FCHO1: variants seen among roughly 807,000 people sequenced by gnomAD.
FCHO1 encodes the protein FCH and mu domain containing endocytic adaptor 1.
Under a neutral mutation model 114.4 loss-of-function variants are expected in FCHO1, and 45 were observed. The ratio of observed to expected loss-of-function variants is 0.39; its 90% CI spans 0.31 to 0.50. FCHO1 has a LOEUF of 0.50. Among genes scored for constraint, FCHO1 ranks in the 20% least tolerant of loss-of-function variants. FCHO1 has a pLI of 0.77. For missense variants in FCHO1, 1,042 were observed against 1,209.6 expected, an observed-to-expected ratio of 0.86 and a Z score of 2.06; for synonymous variants, 480 against 488.9, an observed-to-expected ratio of 0.98 and a Z score of 0.24.
intron 6 of FCHO1, among the ~76,000 whole-genome samples, chr19:17,765,694 C>T (rs989332829): frequency 1.3e-5 from 2 of 151,486 alleles, no homozygotes; most frequent in East Asian, 3.9e-4. Flanking sequence ...AAAATAAAAA[C>T]AAAACACATA....
chr19:17,783,246 T>G, intron 24 of FCHO1, 74 bp downstream of exon 24: 1 of 1,461,914 alleles, frequency 6.8e-7, no homozygotes. Flanking sequence ...GAGTTCCCTC[T>G]CTGCTTCCTG....
At chr19:17,766,859 G>A (rs765922249) in intron 7 of FCHO1, 49 bp downstream of exon 7, 1 of 1,586,846 alleles carries the variant, frequency 6.3e-7, no homozygotes, top group South Asian at 1.1e-5. Context: ...TGGAACACCG[G>A]CAGCTCACAG....
intron 7 of FCHO1, among the ~76,000 whole-genome samples, chr19:17,767,642 C>G (rs1264334844): frequency 6.7e-6 from 1 of 149,678 alleles, no homozygotes; most frequent in Non-Finnish European, 1.5e-5. Flanking sequence ...AGAAAAAAAT[C>G]TAAAGAAAAA....
chr19:17,777,543 A>G (rs2092798005), intron 18 of FCHO1, among the ~76,000 whole-genome samples: 1 of 149,970 alleles, frequency 6.7e-6, no homozygotes. Context: ...CTCAAAAAAA[A>G]AAAAAAAAAA....
intron 5 of FCHO1, among the ~76,000 whole-genome samples, chr19:17,763,814 C>T (rs569065014): frequency 2.6e-5 from 4 of 152,036 alleles, no homozygotes; most frequent in East Asian, 3.9e-4. Context: ...CCTCCTGCCT[C>T]GGCCTCCCAA....
At chr19:17,765,882 C>CTA (rs1018266184) in intron 6 of FCHO1, among the ~76,000 whole-genome samples, 1 of 60,144 alleles carries the variant, frequency 1.7e-5, no homozygotes, top group Non-Finnish European at 2.8e-5. Flanking sequence ...CTTAGTCACT[C>CTA]TTTTTTTTTT....
chr19:17,761,272 G>A (rs1244679468), intron 4 of FCHO1, among the ~76,000 whole-genome samples: 1 of 152,058 alleles, frequency 6.6e-6, no homozygotes, highest in African/African-American at 2.4e-5. Flanking sequence ...GAATTTCCAT[G>A]TTGACAAGAA....
chr19:17,765,901 T>TC (rs1280936155), intron 6 of FCHO1, among the ~76,000 whole-genome samples: 32 of 139,072 alleles, frequency 2.3e-4, no homozygotes, highest in Non-Finnish European at 4.4e-4. Flanking sequence ...TTTTTTTTTT[T>TC]TTTTTGAGAC....
chr19:17,776,124 C>T lies in FCHO1; in HGVS notation c.1145C>T (p.Ala382Val), dbSNP rs1208195739. The T allele has an allele frequency of 6.2e-7, 1 of 1,613,098 alleles. No homozygotes were observed. The highest frequency in any genetic ancestry group is 8.5e-7 in the Non-Finnish European group (1 of 1,179,852). ...SPEAAAAQLR[A>V]TAGSLILPPG... ...GAGGCAGCAGCGGCACAGCTCAGGG[C>T]CACCGCGGGCAGCCTCATCCTTCCT... is the stretch of plus-strand genomic sequence containing the variant. The change falls in exon 16 of 29, where the codon GCC becomes GTC. Residue 382 changes from alanine to valine, a missense_variant. Physicochemically the swap from Ala to Val is moderately conservative, Grantham distance 64 (BLOSUM62 0). Transcript: ENST00000596536. This position sits in a 1 kb window ranked among gnomAD's most constrained non-coding sequence, Gnocchi z 4.4.
Position 17,770,536 on chromosome 19 carries a change from C to A in FCHO1, c.448C>A (p.Arg150=), listed in dbSNP as rs1188175849. The part of the protein sequence containing the change: ...NYLNRCMDQE[R]LRRESTSQKE... ...CCTGAACCGTTGCATGGACCAGGAG[C>A]GGCTGCGGAGGGAGAGTACCAGCCA... Residue 150 remains arginine (R), a synonymous_variant, in exon 8 of 29, where the codon CGG becomes AGG. Coordinates refer to ENST00000596536, the MANE Select transcript of FCHO1 (RefSeq NM_015122.3). 1 of 1,613,594 alleles carries A rather than the reference C, an allele frequency of 6.2e-7. No homozygotes were observed. The highest frequency in any genetic ancestry group is 8.5e-7 in the Non-Finnish European group (1 of 1,179,662).
chr19:17,782,157 G>A (rs1251517184), intron 23 of FCHO1, among the ~76,000 whole-genome samples: 1 of 151,610 alleles, frequency 6.6e-6, no homozygotes, highest in East Asian at 1.9e-4. Flanking sequence ...CTACAGATGC[G>A]TGCCACTGCA....
At chr19:17,787,640 G>T in intron 27 of FCHO1, 42 bp from the exon 28 acceptor site, 1 of 1,519,326 alleles carries the variant, frequency 6.6e-7, no homozygotes, top group South Asian at 1.2e-5. Context: ...CAGCTGGGAC[G>T]GGGGCTGGTG....
intron 4 of FCHO1, among the ~76,000 whole-genome samples, chr19:17,760,633 G>A (rs971861511): frequency 5.9e-5 from 9 of 152,166 alleles, no homozygotes; most frequent in Admixed American, 5.9e-4. Flanking sequence ...GCTTTGGGGA[G>A]CATTGACATG....
chr19:17,774,377 C>T lies in FCHO1; in HGVS notation c.836-17C>T. 1.9e-6 allele frequency: 3 copies of T among 1,613,728 alleles called. No homozygotes were observed. The highest frequency in any genetic ancestry group is 2.5e-6 in the Non-Finnish European group (3 of 1,179,756). ...AGGAGGCTCACAGTGCTCAGGTGCCCCCCAATCTATCCTCAGCGATGAAAC... is the reference window on the plus strand; with the variant it reads ...AGGAGGCTCACAGTGCTCAGGTGCCTCCCAATCTATCCTCAGCGATGAAAC... On this transcript the variant is annotated splice_polypyrimidine_tract_variant and intron_variant, in intron 12 of 28. Transcript: ENST00000596536.
intron 7 of FCHO1, among the ~76,000 whole-genome samples, chr19:17,767,395 CAA>C (rs3083683): frequency 4.6e-4 from 60 of 130,692 alleles, no homozygotes; most frequent in Non-Finnish European, 5.3e-4. Context: ...CCATCTTTAC[CAA>C]AAAAAAAAAA....
chr19:17,775,621 A>C lies in FCHO1; in HGVS notation c.1003+108A>C, dbSNP rs144341783. ...TCCTCTCTGTGTACATCCTGGAGAGAGTCTCCTTTGTGGATGAAGCCAACC... is the reference window on the plus strand; with the variant it reads ...TCCTCTCTGTGTACATCCTGGAGAGCGTCTCCTTTGTGGATGAAGCCAACC... On this transcript the variant is annotated intron_variant, in intron 15 of 28. Coordinates refer to ENST00000596536, the MANE Select transcript of FCHO1 (RefSeq NM_015122.3). This position sits in a 1 kb window ranked among gnomAD's most constrained non-coding sequence, Gnocchi z 5.1. 197 of 1,098,682 alleles carry C rather than the reference A, an allele frequency of 1.8e-4. 1 individual carries two copies. In the East Asian group the frequency reaches 2.4e-3, roughly 14 times the overall value. 68.1% of individuals were successfully genotyped at this position (1,098,682 alleles called of 1,614,324 possible). A position where few individuals can be genotyped will look rare whatever the true frequency, so the allele number is the denominator to read the frequency against.
intron 28 of FCHO1, among the ~76,000 whole-genome samples, 159 bp downstream of exon 28, chr19:17,788,005 G>A (rs921040971): frequency 6.6e-6 from 1 of 152,082 alleles, no homozygotes; most frequent in African/African-American, 2.4e-5. Flanking sequence ...TGGGCAAGGA[G>A]GCAGGGCCCT....
intron 18 of FCHO1, among the ~76,000 whole-genome samples, chr19:17,777,623 C>T (rs1014985824): frequency 2.7e-5 from 4 of 150,770 alleles, no homozygotes; most frequent in African/African-American, 4.9e-5. Flanking sequence ...AAGCAGATGA[C>T]GCGAAGACAG....
upstream of FCHO1, chr19:17,747,748 C>G (rs1386798548): frequency 1.3e-5 from 2 of 151,986 alleles, no homozygotes; most frequent in Non-Finnish European, 2.9e-5. Context: ...AGGGGCGGGG[C>G]GGGCTCCGGT....
Sources: allele counts gnomAD v4.1 joint callset (sites outside exome capture counted in the v4.1 genomes callset), GRCh38; gene constraint gnomAD v4.1.1; non-coding constraint Gnocchi (gnomAD v3.1); transcripts MANE v1.5; gene names NCBI Gene and HGNC (gene_info 2026-07-23, HGNC 2026-07-21).